Variants in PGBD5 observed in about 807,000 individuals in gnomAD.
PGBD5 encodes the protein piggyBac transposable element derived 5, also known as piggyBac transposable element-derived protein 5.
A neutral mutation model predicts 47.9 loss-of-function variants in PGBD5; 14 were observed. The ratio of observed to expected loss-of-function variants is 0.29; its 90% CI spans 0.19 to 0.46. PGBD5 has a LOEUF of 0.46. Among genes scored for constraint, PGBD5 ranks in the 20% least tolerant of loss-of-function variants. The probability of loss-of-function intolerance (pLI) is 1.00; values close to 1 mark genes in which losing one functional copy is unlikely to be tolerated. For synonymous variants in PGBD5, 316 were observed against 306.3 expected (o/e 1.03, Z -0.33); for missense variants, 635 against 716.0 (o/e 0.89, Z 1.29).
intron 3 of PGBD5, among the ~76,000 whole-genome samples, chr1:230,338,569 G>A (rs1553282462): frequency 6.6e-6 from 1 of 152,198 alleles, no homozygotes; most frequent in Non-Finnish European, 1.5e-5. Context: ...GGAGGCTGAG[G>A]TGAGTGATTA....
In PGBD5 at chr1:230,328,097, C is replaced by T. The variant is rs114833402; in HGVS notation, c.1274-2682G>A. Among the ~76,000 whole-genome samples the T allele has an allele frequency of 5.7e-3, 864 of 152,202 alleles. 7 individuals carry two copies. Among genetic ancestry groups the T allele is most frequent in the Non-Finnish European group, 8.4e-3 (574 of 68,002 alleles). ...ATTAGTGTCTCCGGTGAGTCATGGCCGCTCTCCGAAGATCTCGGGGTTTCC... is the reference window on the plus strand; with the variant it reads ...ATTAGTGTCTCCGGTGAGTCATGGCTGCTCTCCGAAGATCTCGGGGTTTCC... On this transcript the variant is annotated intron_variant, in intron 5 of 6. Coordinates refer to ENST00000391860, the MANE Select transcript of PGBD5 (RefSeq NM_001258311.2).
intron 3 of PGBD5, 91 bp from the exon 4 acceptor site, chr1:230,337,379 A>C: frequency 1.6e-6 from 2 of 1,256,324 alleles, no homozygotes; most frequent in Non-Finnish European, 2.2e-6. Context: ...CATGGGTCTC[A>C]GTCATCCAGT....
intron 1 of PGBD5, among the ~76,000 whole-genome samples, chr1:230,378,767 C>CCAT (rs1370936712): frequency 1.3e-5 from 2 of 152,160 alleles, no homozygotes; most frequent in Non-Finnish European, 2.9e-5. Context: ...TGGGCAAAGA[C>CCAT]CATAATGTCT....
At position 230,317,824 on chromosome 1, in the gene PGBD5, G is replaced by A. The variant is rs192606607; in HGVS notation, c.*5601C>T. ...ACATGCACACAAGGTCAAGCTTCCAGGCAACTAAGGAAAAAACCTGAAGAA... is the reference window on the plus strand; with the variant it reads ...ACATGCACACAAGGTCAAGCTTCCAAGCAACTAAGGAAAAAACCTGAAGAA... On this transcript the variant is annotated 3_prime_UTR_variant, in exon 7 of 7. Transcript: ENST00000391860. 6.6e-6 allele frequency: 1 copy of A among 152,324 alleles called. No individual in the cohort carries two copies. Among genetic ancestry groups the A allele is most frequent in the East Asian group, 1.9e-4 (1 of 5,172 alleles). The allele number at this position is 152,324 out of a possible 1,614,324, so 9.4% of individuals were successfully genotyped here. A position where few individuals can be genotyped will look rare whatever the true frequency, so the allele number is the denominator to read the frequency against.
At chr1:230,344,255 A>G (rs1209589231) in intron 3 of PGBD5, among the ~76,000 whole-genome samples, 2 of 152,106 alleles carry the variant, frequency 1.3e-5, no homozygotes, top group Non-Finnish European at 2.9e-5. Flanking sequence ...ACTACACTCC[A>G]GCCTGGGCAA....
rs370784342 is a variant in PGBD5 at position 230,337,187 on chromosome 1, G to C, written c.996C>G (p.Asn332Lys). ...AAATGATGTAGTTCTTGCCTGCCGC[G>C]TTCCGGCACAGGCTCCTGGCCACCA... is the stretch of plus-strand genomic sequence containing the variant. ...HSMVARSLCR[N>K]AAGKNYIIFT... The change falls in exon 4 of 7, where the codon AAC becomes AAG. Residue 332 changes from asparagine to lysine, a missense_variant. Physicochemically the swap from Asn to Lys is moderately conservative, Grantham distance 94. Transcript: ENST00000391860. 6.2e-7 allele frequency: 1 copy of C among 1,614,196 alleles called. No homozygotes were observed. Among genetic ancestry groups the C allele is most frequent in the East Asian group, 2.2e-5 (1 of 44,882 alleles).
chr1:230,405,152 G>A (rs1307034360), intron 1 of PGBD5, among the ~76,000 whole-genome samples: 2 of 149,868 alleles, frequency 1.3e-5, no homozygotes, highest in Non-Finnish European at 3.0e-5. Context: ...CTGAGATTGC[G>A]CTACTGCACT....
At chr1:230,327,268 T>A (rs1042542201) in intron 5 of PGBD5, among the ~76,000 whole-genome samples, 9 of 151,930 alleles carry the variant, frequency 5.9e-5, no homozygotes, top group Non-Finnish European at 2.9e-5. Context: ...CAGCAATACT[T>A]AAATGGACAA....
At chr1:230,333,492 A>T (rs3811479) in intron 4 of PGBD5, among the ~76,000 whole-genome samples, 21,696 of 152,180 alleles carry the variant, frequency 0.14, 1,886 homozygotes, top group East Asian at 0.43. Context: ...CCCCAGACTC[A>T]CAGCTGGGAG....
chr1:230,420,629 T>A (rs1657626465), intron 1 of PGBD5, among the ~76,000 whole-genome samples: 1 of 152,156 alleles, frequency 6.6e-6, no homozygotes, highest in South Asian at 2.1e-4. Context: ...AAATTCTCTC[T>A]CTTTGCCTGC....
At chr1:230,418,282 G>A (rs1657568257) in intron 1 of PGBD5, among the ~76,000 whole-genome samples, 2 of 152,182 alleles carry the variant, frequency 1.3e-5, no homozygotes, top group African/African-American at 4.8e-5. Context: ...CAAACCAAAA[G>A]TCTACCGATA....
rs1667109819 is a variant in PGBD5, at chr1:230,325,940, C to T, written c.1274-525G>A. Among the ~76,000 whole-genome samples, 7 of 145,172 alleles carry T rather than the reference C, an allele frequency of 4.8e-5. No homozygotes were observed. The South Asian group carries it at 1.7e-3, about 36-fold the overall frequency. ...ACAGGGTGACTGCAGAGTCACCCCG[C>T]ACAGAGCACTAGACCTCACTCCTCC... On this transcript the variant is annotated intron_variant, in intron 5 of 6. Coordinates refer to ENST00000391860, the MANE Select transcript of PGBD5 (RefSeq NM_001258311.2).
chr1:230,324,125 C>T (rs1667079596), intron 6 of PGBD5, among the ~76,000 whole-genome samples: 2 of 152,248 alleles, frequency 1.3e-5, no homozygotes. Context: ...CCGGGAAGCC[C>T]ACCCAGACCC....
At chr1:230,407,259 G>T (rs974336330) in intron 1 of PGBD5, among the ~76,000 whole-genome samples, 2 of 152,166 alleles carry the variant, frequency 1.3e-5, no homozygotes, top group Admixed American at 1.3e-4. Context: ...ACTCCTTGTA[G>T]TTTTAAGTCT....
chr1:230,408,545 T>C (rs1050623464), intron 1 of PGBD5, among the ~76,000 whole-genome samples: 1 of 152,186 alleles, frequency 6.6e-6, no homozygotes, highest in Non-Finnish European at 1.5e-5. Flanking sequence ...AAAGGGACAG[T>C]TATTAAAATA....
chr1:230,416,300 C>G (rs550380637), intron 1 of PGBD5, among the ~76,000 whole-genome samples: 1 of 152,206 alleles, frequency 6.6e-6, no homozygotes, highest in East Asian at 1.9e-4. Context: ...AACTCTTCCA[C>G]TATTTTGGAT....
At chr1:230,410,016 A>T (rs191555619) in intron 1 of PGBD5, among the ~76,000 whole-genome samples, 1 of 152,328 alleles carries the variant, frequency 6.6e-6, no homozygotes, top group Non-Finnish European at 1.5e-5. Context: ...AAAAATATAT[A>T]TAAATTTATG....
intron 3 of PGBD5, among the ~76,000 whole-genome samples, chr1:230,340,501 G>GCTATTTCTCA (rs1558194127): frequency 6.6e-6 from 1 of 152,018 alleles, no homozygotes; most frequent in East Asian, 1.9e-4. Flanking sequence ...ACACTCAAGC[G>GCTATTTCTCA]GCTATTTCTG....
chr1:230,327,214 G>A (rs1027910272), intron 5 of PGBD5, among the ~76,000 whole-genome samples: 1 of 151,176 alleles, frequency 6.6e-6, no homozygotes, highest in African/African-American at 2.4e-5. Context: ...CCATTTTTCT[G>A]TATTTTTTTT....
Sources: gnomAD v4.1 joint callset for allele counts (sites outside exome capture counted in the v4.1 genomes callset) on GRCh38, gnomAD v4.1.1 for gene constraint, MANE v1.5 for transcripts, NCBI Gene and HGNC (gene_info 2026-07-23, HGNC 2026-07-21) for gene names.